FLVCR1: variants seen among roughly 807,000 people sequenced by gnomAD.
FLVCR1 encodes the protein choline/ethanolamine transporter FLVCR1.
In FLVCR1, 34 loss-of-function variants were observed where a neutral mutation model predicts 53.6. That is an observed-to-expected ratio of 0.63 (90% CI 0.48 to 0.84). The LOEUF (loss-of-function observed/expected upper bound fraction) is 0.84, where lower values mean the gene tolerates loss of function less well. Ranked by LOEUF, FLVCR1 falls within the 40% of genes least tolerant of loss-of-function variation. The probability of loss-of-function intolerance (pLI) is 0.00; values close to 1 mark genes in which losing one functional copy is unlikely to be tolerated. For missense variants in FLVCR1, 677 were observed against 696.7 expected (o/e 0.97, Z 0.32); for synonymous variants, 300 against 286.3 (o/e 1.05, Z -0.48).
chr1:212,893,056 CTT>C (rs147082806), intron 8 of FLVCR1, among the ~76,000 whole-genome samples: 5 of 121,374 alleles, frequency 4.1e-5, no homozygotes, highest in African/African-American at 1.0e-4. Context: ...AGGGTTGCTT[CTT>C]TTTTTTTGGG....
intron 3 of FLVCR1, among the ~76,000 whole-genome samples, chr1:212,879,710 T>G (rs369285819): frequency 3.3e-5 from 5 of 152,038 alleles, no homozygotes; most frequent in South Asian, 2.1e-4. Flanking sequence ...GACGCACTAC[T>G]ATGCCCAGCT....
chr1:212,860,397 A>G (rs1353704224), intron 1 of FLVCR1, among the ~76,000 whole-genome samples: 3 of 109,362 alleles, frequency 2.7e-5, no homozygotes, highest in Non-Finnish European at 5.6e-5. Context: ...CATGTTGCTC[A>G]TGCTTGTCTC....
intron 5 of FLVCR1, among the ~76,000 whole-genome samples, chr1:212,886,327 G>A (rs1266146876): frequency 6.6e-6 from 1 of 152,130 alleles, no homozygotes; most frequent in Non-Finnish European, 1.5e-5. Flanking sequence ...ACAGGCATGA[G>A]CCACTGCACC....
chr1:212,869,058 A>G (rs1664525953), intron 2 of FLVCR1, among the ~76,000 whole-genome samples: 1 of 152,228 alleles, frequency 6.6e-6, no homozygotes, highest in Admixed American at 6.5e-5. Context: ...GGGACAAATA[A>G]CGAAATTTTA....
intron 2 of FLVCR1, 113 bp downstream of exon 2, chr1:212,863,982 T>C (rs1664329318): frequency 3.5e-6 from 3 of 849,102 alleles, no homozygotes; most frequent in Admixed American, 2.0e-5. Context: ...CTTTGTTTCA[T>C]TCTTCCATGC....
chr1:212,876,435 G>T (rs961243703), intron 3 of FLVCR1, among the ~76,000 whole-genome samples: 2 of 150,218 alleles, frequency 1.3e-5, no homozygotes, highest in Non-Finnish European at 3.0e-5. Flanking sequence ...ACACAATCTC[G>T]GCTCACTGCA....
chr1:212,894,462 C>G (rs1485352306), intron 8 of FLVCR1, among the ~76,000 whole-genome samples: 2 of 152,150 alleles, frequency 1.3e-5, no homozygotes, highest in Non-Finnish European at 2.9e-5. Flanking sequence ...AATATTCACT[C>G]TTTTGTGGTG....
intron 2 of FLVCR1, among the ~76,000 whole-genome samples, chr1:212,867,168 C>A (rs569277563): frequency 2.8e-4 from 43 of 152,316 alleles, no homozygotes; most frequent in Non-Finnish European, 5.7e-4. Context: ...AAAATATTTT[C>A]TCAAAGGTTC....
chr1:212,875,246 G>A (rs1372902617), intron 3 of FLVCR1, among the ~76,000 whole-genome samples: 1 of 152,148 alleles, frequency 6.6e-6, no homozygotes, highest in Non-Finnish European at 1.5e-5. Flanking sequence ...ATAAACATCT[G>A]AAAAGTAACA....
intron 1 of FLVCR1, among the ~76,000 whole-genome samples, chr1:212,862,638 G>A (rs6697428): frequency 0.46 from 70,443 of 152,088 alleles, 17,547 homozygotes; most frequent in Non-Finnish European, 0.56. Flanking sequence ...TAGGGCTGCT[G>A]TGAACATTCA....
chr1:212,878,179 A>G (rs7528505), intron 3 of FLVCR1, among the ~76,000 whole-genome samples: 66,716 of 151,898 alleles, frequency 0.44, 15,707 homozygotes, highest in East Asian at 0.54. Flanking sequence ...CCTTTACAGA[A>G]AATGTTTAGT....
intron 5 of FLVCR1, 151 bp downstream of exon 5, chr1:212,885,547 TTTC>T (rs1665037746): frequency 9.9e-6 from 4 of 405,076 alleles, no homozygotes; most frequent in Non-Finnish European, 4.3e-6. Context: ...TTAACAAGTG[TTTC>T]TTTTTTTTTT....
chr1:212,858,534 G>T lies in FLVCR1; in HGVS notation c.82G>T (p.Gly28Cys). 1 of 1,462,660 alleles carries T rather than the reference G, an allele frequency of 6.8e-7. No individual in the cohort carries two copies. 90.6% of individuals were successfully genotyped at this position (1,462,660 alleles called of 1,614,324 possible). A position where few individuals can be genotyped will look rare whatever the true frequency, so the allele number is the denominator to read the frequency against. ...LAKGYLPLPR[G>C]APVGKESVEL... ...GAAAGGATACCTCCCGTTGCCGAGGGGCGCGCCCGTTGGGAAGGAGAGCGT... is the reference window on the plus strand; with the variant it reads ...GAAAGGATACCTCCCGTTGCCGAGGTGCGCGCCCGTTGGGAAGGAGAGCGT... Residue 28 changes from glycine (G) to cysteine (C), a missense_variant, in exon 1 of 10, where the codon GGC (glycine) becomes TGC (cysteine). Physicochemically the swap from Gly to Cys is radical, Grantham distance 159 (BLOSUM62 -3). Coordinates refer to ENST00000366971, the MANE Select transcript of FLVCR1 (RefSeq NM_014053.4).
In FLVCR1 at chr1:212,895,007, G is replaced by T. The variant is rs780752648; in HGVS notation, c.1547G>T (p.Arg516Leu). The T allele has an allele frequency of 6.2e-7, 1 of 1,604,064 alleles. No homozygotes were observed. The highest frequency in any genetic ancestry group is 1.7e-5 in the Admixed American group (1 of 59,978). Residue 516 changes from arginine (R) to leucine (L), a missense_variant, in exon 9 of 10, where the codon CGA becomes CTA. By Grantham distance (102) the Arg-to-Leu change is moderately radical. Transcript: ENST00000366971. Reference protein sequence around the residue: ...ILTALIKSDLRRHNINIGITN... With the variant: ...ILTALIKSDLLRHNINIGITN... ...TCAGCATTAATCAAGTCTGATCTGC[G>T]AAGACACAACATAAATATAGGAATT...
At chr1:212,884,050 G>A (rs1664993729) in intron 4 of FLVCR1, among the ~76,000 whole-genome samples, 1 of 152,190 alleles carries the variant, frequency 6.6e-6, no homozygotes, top group Non-Finnish European at 1.5e-5. Flanking sequence ...GCTCACGCCT[G>A]TAATCCCAGC....
chr1:212,872,592 T>C (rs1664631275), intron 2 of FLVCR1, 86 bp from the exon 3 acceptor site: 4 of 917,960 alleles, frequency 4.4e-6, no homozygotes, highest in Non-Finnish European at 6.7e-6. Context: ...TCACTAAGAA[T>C]GATACATATA....
At chr1:212,884,550 GATAA>G (rs1272278853) in intron 4 of FLVCR1, among the ~76,000 whole-genome samples, 1 of 152,194 alleles carries the variant, frequency 6.6e-6, no homozygotes, top group Non-Finnish European at 1.5e-5. Context: ...CATAAATATA[GATAA>G]ATAAATATCA....
In FLVCR1 at chr1:212,896,930, C is replaced by T. The variant is rs918037634; in HGVS notation, c.*1640C>T. On this transcript the variant is annotated 3_prime_UTR_variant, in exon 10 of 10. Coordinates refer to ENST00000366971, the MANE Select transcript of FLVCR1 (RefSeq NM_014053.4). Reference sequence around the variant, plus strand: ...GTGGCTCATGCCTGTAATCTCAGCACTTTGGGAGGCCAAGGCAGGTGGATC... The same window carrying T: ...GTGGCTCATGCCTGTAATCTCAGCATTTTGGGAGGCCAAGGCAGGTGGATC... 6.5e-5 allele frequency: 9 copies of T among 138,604 alleles called. No homozygotes were observed. Among genetic ancestry groups the T allele is most frequent in the African/African-American group, 2.4e-4 (9 of 36,940 alleles). The allele number at this position is 138,604 out of a possible 1,614,324, so 8.6% of individuals were successfully genotyped here.
chr1:212,867,512 G>A (rs2102543382), intron 2 of FLVCR1, among the ~76,000 whole-genome samples: 1 of 152,262 alleles, frequency 6.6e-6, no homozygotes, highest in East Asian at 1.9e-4. Context: ...TTTAAGCCTA[G>A]ACAATTTAAC....
Sources: gnomAD v4.1 joint callset for allele counts (sites outside exome capture counted in the v4.1 genomes callset) on GRCh38, gnomAD v4.1.1 for gene constraint, MANE v1.5 for transcripts, NCBI Gene and HGNC (gene_info 2026-07-23, HGNC 2026-07-21) for gene names.